TENM2: variants seen among roughly 807,000 people sequenced by gnomAD.
TENM2 encodes teneurin transmembrane protein 2, also known as teneurin-2.
Under a neutral mutation model 245.2 loss-of-function variants are expected in TENM2, and 52 were observed. The observed-to-expected ratio is 0.21, with a 90% confidence interval of 0.17 to 0.27. The LOEUF (loss-of-function observed/expected upper bound fraction) is 0.27. Ranked by LOEUF, TENM2 falls within the 10% of genes least tolerant of loss-of-function variation. The probability of loss-of-function intolerance (pLI) is 1.00; values close to 1 mark genes in which losing one functional copy is unlikely to be tolerated. For synonymous variants in TENM2, 1,363 were observed against 1,438.9 expected, an observed-to-expected ratio of 0.95 and a Z score of 1.19; for missense variants, 3,046 against 3,666.8, an observed-to-expected ratio of 0.83 and a Z score of 4.37.
chr5:167,221,131 T>A, the TENM2 span, among the ~76,000 whole-genome samples: 1 of 152,116 alleles, frequency 6.6e-6, no homozygotes, highest in East Asian at 1.9e-4. Context: ...CCTGGCTGTA[T>A]CAAACACTTT....
chr5:167,431,714 T>C (rs1163532346), intron 2 of TENM2, among the ~76,000 whole-genome samples: 1 of 151,874 alleles, frequency 6.6e-6, no homozygotes, highest in Non-Finnish European at 1.5e-5. Flanking sequence ...AATCATAACT[T>C]AGGAATGACA....
chr5:167,936,140 G>T (rs1778694739), intron 3 of TENM2, among the ~76,000 whole-genome samples: 1 of 152,156 alleles, frequency 6.6e-6, no homozygotes. Context: ...AAGTAGAGCA[G>T]GTTGGGAAGG....
At chr5:167,016,999 A>G in the TENM2 span, among the ~76,000 whole-genome samples, 2 of 152,204 alleles carry the variant, frequency 1.3e-5, no homozygotes, top group Admixed American at 1.3e-4. Flanking sequence ...AATCCCTAGC[A>G]AGAGGGAAGG....
chr5:168,115,138 A>T lies in TENM2; in HGVS notation c.1814-3154A>T, dbSNP rs1021219452. Among the ~76,000 whole-genome samples, 11 of 152,040 alleles carry T rather than the reference A, an allele frequency of 7.2e-5. No homozygotes were observed. In the South Asian group the frequency reaches 2.3e-3, roughly 32 times the overall value. The stretch of plus-strand genomic sequence containing the variant: ...GTGAAATCCCATCTCTACTAAAAAT[A>T]CAAAAATTAGCCGGGCATGGTAGCA... On this transcript the variant is annotated intron_variant, in intron 9 of 28. Transcript: ENST00000518659.
At chr5:167,863,256 A>T (rs1771992071) in intron 2 of TENM2, among the ~76,000 whole-genome samples, 1 of 152,194 alleles carries the variant, frequency 6.6e-6, no homozygotes, top group Admixed American at 6.5e-5. Flanking sequence ...GTTAGTAAAT[A>T]TTAGTCTCTT....
intron 2 of TENM2, among the ~76,000 whole-genome samples, chr5:167,680,600 A>G (rs1404065534): frequency 6.6e-6 from 1 of 152,166 alleles, no homozygotes; most frequent in African/African-American, 2.4e-5. Context: ...TGGAAAATAA[A>G]TAGACAGGAC....
At chr5:167,576,742 G>A (rs909623451) in intron 2 of TENM2, among the ~76,000 whole-genome samples, 18 of 152,162 alleles carry the variant, frequency 1.2e-4, no homozygotes, top group Admixed American at 7.2e-4. Flanking sequence ...AACATGTAAT[G>A]AAATATTAAG....
At chr5:167,890,150 G>A (rs1368231927) in intron 3 of TENM2, among the ~76,000 whole-genome samples, 2 of 152,092 alleles carry the variant, frequency 1.3e-5, no homozygotes, top group Admixed American at 1.3e-4. Context: ...GTAGTGTTGG[G>A]AGGCTTTGAG....
At chr5:167,875,680 A>G (rs1271132189) in intron 2 of TENM2, among the ~76,000 whole-genome samples, 1 of 152,116 alleles carries the variant, frequency 6.6e-6, no homozygotes, top group Non-Finnish European at 1.5e-5. Context: ...GATAATGAGG[A>G]CTTAGATTAG....
rs560653978 is a variant in TENM2, at chr5:167,770,881, C to T, written c.503-105105C>T. Among the ~76,000 whole-genome samples, 3 of 152,210 alleles carry T rather than the reference C, an allele frequency of 2.0e-5. No individual in the cohort carries two copies. In the South Asian group the frequency reaches 6.2e-4, roughly 32 times the overall value. On this transcript the variant is annotated intron_variant, in intron 2 of 28. Transcript: ENST00000518659. ...GAGGGTTTGAGGGCTGTTGGTCCCA[C>T]TGGGGAGGACCATGGCTGAGAGAGG...
chr5:167,454,295 T>C (rs1561969290), intron 2 of TENM2, among the ~76,000 whole-genome samples: 1 of 152,154 alleles, frequency 6.6e-6, no homozygotes, highest in Admixed American at 6.5e-5. Context: ...CTAGTCAGGA[T>C]GTTTACTGTT....
chr5:167,876,329 C>A, intron 3 of TENM2, 134 bp downstream of exon 5: 1 of 720,050 alleles, frequency 1.4e-6, no homozygotes, highest in Non-Finnish European at 2.3e-6. Flanking sequence ...ATGCATTTGT[C>A]ATTTTGTGGC....
At chr5:167,390,827 C>A (rs760499283) in intron 2 of TENM2, among the ~76,000 whole-genome samples, 1 of 152,126 alleles carries the variant, frequency 6.6e-6, no homozygotes, top group Non-Finnish European at 1.5e-5. Context: ...CTATGAACAA[C>A]AAGGCACGTC....
chr5:168,229,321 C>T (rs953262079), intron 25 of TENM2, among the ~76,000 whole-genome samples: 1 of 151,384 alleles, frequency 6.6e-6, no homozygotes, highest in Non-Finnish European at 1.5e-5. Context: ...CCTGCTTATC[C>T]GTGGTCATCC....
At chr5:167,779,689 G>A (rs571758266) in intron 2 of TENM2, among the ~76,000 whole-genome samples, 1 of 152,272 alleles carries the variant, frequency 6.6e-6, no homozygotes, top group South Asian at 2.1e-4. Flanking sequence ...TCAGTCAGTG[G>A]CTCCCCTCTT....
chr5:168,108,900 G>A (rs544303900), intron 9 of TENM2, among the ~76,000 whole-genome samples: 2 of 152,294 alleles, frequency 1.3e-5, no homozygotes, highest in South Asian at 4.2e-4. Flanking sequence ...CCTGAGGGTA[G>A]CTGGTCCTCC....
At chr5:167,144,027 C>G in the TENM2 span, among the ~76,000 whole-genome samples, 1 of 152,118 alleles carries the variant, frequency 6.6e-6, no homozygotes, top group Non-Finnish European at 1.5e-5. Context: ...ATCAAGGCAG[C>G]TGTGCTGTAT....
intron 10 of TENM2, among the ~76,000 whole-genome samples, chr5:168,118,740 CTTTG>C (rs1188753824): frequency 2.6e-5 from 4 of 152,060 alleles, no homozygotes; most frequent in African/African-American, 4.8e-5. Context: ...TCTCTTTCAC[CTTTG>C]TTTTTCTCTT....
rs556205701 is a variant in TENM2, at chr5:167,526,108, T to C, written c.502+150635T>C. Among the ~76,000 whole-genome samples, 3 of 151,974 alleles carry C rather than the reference T, an allele frequency of 2.0e-5. No homozygotes were observed. The South Asian group carries it at 6.2e-4, about 31-fold the overall frequency. On this transcript the variant is annotated intron_variant, in intron 2 of 28. Coordinates refer to ENST00000518659, the Ensembl canonical transcript of TENM2. ...TAACAAAGGAAGAAATATATTCATT[T>C]ATATATTCATAAAAATAAGAATAAA...
Sources: gnomAD v4.1 joint callset for allele counts (sites outside exome capture counted in the v4.1 genomes callset) on GRCh38, gnomAD v4.1.1 for gene constraint, MANE v1.5 for transcripts, NCBI Gene and HGNC (gene_info 2026-07-23, HGNC 2026-07-21) for gene names.